NEBL: variants seen among roughly 807,000 people sequenced by gnomAD.
The protein encoded by NEBL is LIM and SH3 protein 2.
NEBL carries 122 observed loss-of-function variants against 140.2 expected under a neutral mutation model. That is an observed-to-expected ratio of 0.87 (90% confidence interval 0.75 to 1.01). NEBL has a LOEUF of 1.01. Ranked by LOEUF, NEBL falls within the 50% of genes least tolerant of loss-of-function variation. The pLI is 0.00. For missense variants in NEBL, 1,365 were observed against 1,231.3 expected (o/e 1.11, Z -1.62); for synonymous variants, 436 against 398.9 (o/e 1.09, Z -1.11).
intron 4 of NEBL, among the ~76,000 whole-genome samples, chr10:20,886,311 T>G (rs1390883172): frequency 6.6e-6 from 1 of 151,820 alleles, no homozygotes; most frequent in East Asian, 1.9e-4. Context: ...TCGCCTGAGG[T>G]CAGGAGTTCA....
chr10:20,815,895 G>C (rs1054403742), intron 21 of NEBL, 178 bp from the exon 22 acceptor site: 2 of 598,404 alleles, frequency 3.3e-6, no homozygotes, highest in South Asian at 1.9e-5. Flanking sequence ...CAGCCTCCCA[G>C]GTAGCTGGGA....
chr10:21,173,753 C>G lies in NEBL; in HGVS notation c.69+12G>C, dbSNP rs1337485653. The G allele has an allele frequency of 6.2e-6, 10 of 1,612,914 alleles. No individual in the cohort carries two copies. The highest frequency in any genetic ancestry group is 8.5e-6 in the Non-Finnish European group (10 of 1,179,842). On this transcript the variant is annotated intron_variant, in intron 1 of 6. Transcript: ENST00000417816. The surrounding 1 kb of genome is among the most constrained non-coding windows in gnomAD (Gnocchi z 5.7). ...CGGCAGGTCCAGGCTGGCCCGGCGC[C>G]CCCTCGCTCACCTTATCCAGGCAGT... is the stretch of plus-strand genomic sequence containing the variant.
At chr10:21,018,975 C>G (rs376435899) in intron 3 of NEBL, among the ~76,000 whole-genome samples, 8 of 152,228 alleles carry the variant, frequency 5.3e-5, no homozygotes, top group African/African-American at 1.7e-4. Flanking sequence ...TGCAGTGAGC[C>G]GAGACGGCAC....
At chr10:21,083,018 T>G (rs1210662972) in intron 2 of NEBL, among the ~76,000 whole-genome samples, 1 of 152,204 alleles carries the variant, frequency 6.6e-6, no homozygotes, top group Admixed American at 6.5e-5. Context: ...CAACTCAGCC[T>G]TCCAAAGTGC....
At chr10:20,823,610 G>A (rs768139364) in intron 18 of NEBL, among the ~76,000 whole-genome samples, 14 of 151,962 alleles carry the variant, frequency 9.2e-5, no homozygotes, top group South Asian at 4.2e-4. Flanking sequence ...GTACATTATC[G>A]TAAATAAAAT....
rs181853036 is a variant in NEBL at position 20,890,940 on chromosome 10, A to G, written c.154-991T>C. The stretch of plus-strand genomic sequence containing the variant: ...ATATGCTCGTGTTTATCCTCCCAAG[A>G]CCATAAATACTTAAACTGAAAAAGT... On this transcript the variant is annotated intron_variant, in intron 2 of 27. Transcript: ENST00000377122. 4.7e-3 allele frequency among the ~76,000 whole-genome samples: 714 copies of G among 152,344 alleles called. 7 individuals are homozygous for G. The highest frequency in any genetic ancestry group is 0.016 in the African/African-American group (680 of 41,576).
At chr10:21,020,043 CAAG>C in intron 3 of NEBL, 1 of 1,310,412 alleles carries the variant, frequency 7.6e-7, no homozygotes, top group Non-Finnish European at 1.1e-6. Context: ...AGTACGAAGA[CAAG>C]AATCTCAGAA....
chr10:21,023,179 T>G (rs1838869787), intron 2 of NEBL, among the ~76,000 whole-genome samples: 1 of 152,222 alleles, frequency 6.6e-6, no homozygotes, highest in South Asian at 2.1e-4. Flanking sequence ...ATGTATTCTG[T>G]GGGATAAAGT....
intron 4 of NEBL, among the ~76,000 whole-genome samples, chr10:20,953,839 A>G (rs1835636240): frequency 6.6e-6 from 1 of 152,114 alleles, no homozygotes; most frequent in African/African-American, 2.4e-5. Context: ...TTTACATATT[A>G]TTACCTCATT....
At position 20,879,170 on chromosome 10, in the gene NEBL, G is replaced by A. The variant is rs184945343; in HGVS notation, c.480+1624C>T. Among the ~76,000 whole-genome samples the A allele has an allele frequency of 4.0e-4, 61 of 152,302 alleles. 1 individual carries two copies. The highest frequency in any genetic ancestry group is 3.9e-3 in the East Asian group (20 of 5,182). On this transcript the variant is annotated intron_variant, in intron 5 of 27. Coordinates refer to ENST00000377122, the MANE Select transcript of NEBL (RefSeq NM_006393.3). ...CATTTAAAACCTTGACTAATTGACA[G>A]TAACCTTTAAGGTGGAGACAGCAAA...
At chr10:20,827,394 C>G (rs1839980650) in intron 17 of NEBL, among the ~76,000 whole-genome samples, 1 of 152,236 alleles carries the variant, frequency 6.6e-6, no homozygotes, top group Admixed American at 6.5e-5. Flanking sequence ...GGAGACCCAG[C>G]AGACATCTGA....
chr10:21,187,510 T>C (rs995829342), intron 3 of NEBL, among the ~76,000 whole-genome samples: 3 of 150,184 alleles, frequency 2.0e-5, no homozygotes, highest in African/African-American at 7.3e-5. Flanking sequence ...TATTATTATT[T>C]ATTATTATTA....
At chr10:20,986,967 C>T (rs1173052675) in intron 3 of NEBL, among the ~76,000 whole-genome samples, 1 of 152,190 alleles carries the variant, frequency 6.6e-6, no homozygotes, top group African/African-American at 2.4e-5. Context: ...TATCGACTTA[C>T]TATCTTTGGA....
At chr10:20,820,845 AAAAG>A (rs1347019664) in intron 19 of NEBL, among the ~76,000 whole-genome samples, 1 of 152,108 alleles carries the variant, frequency 6.6e-6, no homozygotes, top group Non-Finnish European at 1.5e-5. Flanking sequence ...ACAAAAATAA[AAAAG>A]AAAGAAAGAA....
rs375252574 is a variant in NEBL at position 20,789,844 on chromosome 10, T to A, written c.2762-2536A>T. On this transcript the variant is annotated intron_variant, in intron 26 of 27. Coordinates refer to ENST00000377122, the MANE Select transcript of NEBL (RefSeq NM_006393.3). ...GCCTGGGTGACAGAGAGCAATCTTA[T>A]CTCAAATTTTATATATATATATACA... Among the ~76,000 whole-genome samples the A allele has an allele frequency of 4.6e-5, 7 of 151,304 alleles. No individual in the cohort carries two copies. The East Asian group carries it at 5.8e-4, about 13-fold the overall frequency.
At chr10:21,127,631 A>T (rs2132061164) in intron 2 of NEBL, among the ~76,000 whole-genome samples, 1 of 152,324 alleles carries the variant, frequency 6.6e-6, no homozygotes, top group African/African-American at 2.4e-5. Context: ...TATATGAAAC[A>T]TGGGGATAGA....
Position 21,207,043 on chromosome 10 carries a change from G to T in NEBL, n.349-34566C>A, listed in dbSNP as rs183330580. Among the ~76,000 whole-genome samples, 3 of 145,998 alleles carry T rather than the reference G, an allele frequency of 2.1e-5. 1 individual carries two copies. The South Asian group carries it at 6.4e-4, about 31-fold the overall frequency. On this transcript the variant is annotated intron_variant and non_coding_transcript_variant, in intron 3 of 8. Transcript: ENST00000675702. ...GGCTAGAGTGCAGTGGTGCAGGCTC[G>T]GCTTACTGCAACCTCTGCCTCCCAG...
intron 2 of NEBL, among the ~76,000 whole-genome samples, chr10:21,142,145 T>C (rs534483645): frequency 7.2e-5 from 11 of 152,150 alleles, no homozygotes; most frequent in Non-Finnish European, 8.8e-5. Context: ...TATAACCCAC[T>C]ATTCCTAAGC....
exon 1 of NEBL, chr10:21,174,159 C>A: frequency 2.0e-6 from 1 of 506,808 alleles, no homozygotes; most frequent in Non-Finnish European, 2.6e-6. Flanking sequence ...CTCACTCGCT[C>A]CCCCGCCTCG....
Sources: allele counts gnomAD v4.1 joint callset (sites outside exome capture counted in the v4.1 genomes callset), GRCh38; gene constraint gnomAD v4.1.1; non-coding constraint Gnocchi (gnomAD v3.1); transcripts MANE v1.5; gene names NCBI Gene and HGNC (gene_info 2026-07-23, HGNC 2026-07-21).